LRP2: variants seen among roughly 807,000 people sequenced by gnomAD.
The protein encoded by LRP2 is LDL receptor related protein 2.
In LRP2, 172 loss-of-function variants were observed where a neutral mutation model predicts 531.0. That is an observed-to-expected ratio of 0.32 (90% CI 0.29 to 0.37). The LOEUF (loss-of-function observed/expected upper bound fraction) is 0.37, where lower values mean the gene tolerates loss of function less well. LRP2 is among the 10% of genes least tolerant of loss of function. The pLI is 1.00. For missense variants in LRP2, 5,167 were observed against 5,868.3 expected (o/e 0.88, Z 3.90); for synonymous variants, 1,992 against 2,027.6 (o/e 0.98, Z 0.47).
At chr2:169,248,147 A>ACC (rs770045868) in intron 19 of LRP2, among the ~76,000 whole-genome samples, 77,872 of 151,474 alleles carry the variant, frequency 0.51, 20,410 homozygotes, top group South Asian at 0.73. Flanking sequence ...CTAATGTTAG[A>ACC]ATGATGCTCA....
chr2:169,167,256 G>C (rs1029707773), intron 61 of LRP2, among the ~76,000 whole-genome samples: 22 of 152,124 alleles, frequency 1.4e-4, no homozygotes, highest in African/African-American at 3.9e-4. Context: ...AAAAATGTTG[G>C]GATGCAACTG....
At chr2:169,355,577 G>C (rs574432147) in intron 1 of LRP2, among the ~76,000 whole-genome samples, 6 of 152,276 alleles carry the variant, frequency 3.9e-5, no homozygotes, top group African/African-American at 1.4e-4. Flanking sequence ...CCTAAGTAGA[G>C]ACCCTGAGAT....
intron 3 of LRP2, among the ~76,000 whole-genome samples, chr2:169,316,823 G>A (rs1180841990): frequency 6.6e-6 from 1 of 152,112 alleles, no homozygotes; most frequent in Non-Finnish European, 1.5e-5. Context: ...ATACTCAAGG[G>A]CTGAGTAGAA....
intron 71 of LRP2, among the ~76,000 whole-genome samples, chr2:169,140,960 A>G (rs949340783): frequency 6.6e-6 from 1 of 152,194 alleles, no homozygotes. Flanking sequence ...CCAAAGCATC[A>G]GTAATTGATC....
Position 169,248,643 on chromosome 2 carries a change from C to T in LRP2, c.2771-1128G>A, listed in dbSNP as rs547015058. On this transcript the variant is annotated intron_variant, in intron 19 of 78. Coordinates refer to ENST00000649046, the MANE Select transcript of LRP2 (RefSeq NM_004525.3). ...TGTTGAGGGGAGGAGCCAAGATGGC[C>T]GAATAGGAACAGCTCCGGTCTACAG... Among the ~76,000 whole-genome samples the T allele has an allele frequency of 6.7e-5, 10 of 149,748 alleles. 1 individual carries two copies. Among genetic ancestry groups the T allele is most frequent in the South Asian group, 4.2e-4 (2 of 4,770 alleles).
chr2:169,314,424 T>TAAA (rs112912157), intron 3 of LRP2, among the ~76,000 whole-genome samples: 5 of 143,966 alleles, frequency 3.5e-5, no homozygotes, highest in East Asian at 2.0e-4. Flanking sequence ...CCCCTGTCTC[T>TAAA]AAAAAAAAAA....
At chr2:169,207,475 A>G (rs1202364132) in intron 38 of LRP2, among the ~76,000 whole-genome samples, 1 of 152,242 alleles carries the variant, frequency 6.6e-6, no homozygotes, top group Non-Finnish European at 1.5e-5. Context: ...GCCTATCTTC[A>G]GCTTCTAAAG....
intron 61 of LRP2, among the ~76,000 whole-genome samples, chr2:169,166,268 C>T (rs1686780447): frequency 6.6e-6 from 1 of 152,172 alleles, no homozygotes; most frequent in Non-Finnish European, 1.5e-5. Flanking sequence ...AAGACACAGT[C>T]CTTGTCCTCA....
intron 44 of LRP2, among the ~76,000 whole-genome samples, chr2:169,200,462 T>G (rs73971315): frequency 0.11 from 15,971 of 151,798 alleles, 1,962 homozygotes; most frequent in African/African-American, 0.3. Context: ...TATAAGAAGA[T>G]GGATTGGGGT....
chr2:169,177,469 T>C (rs949513070), intron 53 of LRP2, among the ~76,000 whole-genome samples: 2 of 152,198 alleles, frequency 1.3e-5, no homozygotes. Context: ...TTTAATTCCT[T>C]TAAAATACTT....
chr2:169,351,840 A>C (rs2105576977), intron 1 of LRP2, among the ~76,000 whole-genome samples: 1 of 152,324 alleles, frequency 6.6e-6, no homozygotes, highest in East Asian at 1.9e-4. Context: ...TGCCAAGCAC[A>C]ACAGAGCCAG....
intron 1 of LRP2, among the ~76,000 whole-genome samples, chr2:169,352,818 A>G (rs114732939): frequency 0.074 from 1,597 of 21,484 alleles, 16 homozygotes; most frequent in Non-Finnish European, 0.19. Context: ...ACATGGTCAC[A>G]GGGGGGGGAA....
At chr2:169,188,286 C>A in intron 48 of LRP2, 21 bp from the exon 49 acceptor site, 1 of 1,613,182 alleles carries the variant, frequency 6.2e-7, no homozygotes, top group Non-Finnish European at 8.5e-7. Flanking sequence ...AGATCCAGTA[C>A]CACTTTCAGA....
intron 16 of LRP2, among the ~76,000 whole-genome samples, chr2:169,265,007 C>T (rs1465042626): frequency 1.3e-5 from 2 of 151,992 alleles, no homozygotes; most frequent in Non-Finnish European, 2.9e-5. Flanking sequence ...TTCCTCTGCC[C>T]ACTCCCAGAA....
At chr2:169,191,697 T>C in intron 48 of LRP2, 135 bp downstream of exon 48, 2 of 690,084 alleles carry the variant, frequency 2.9e-6, no homozygotes, top group South Asian at 1.8e-5. Flanking sequence ...TGGAAAGGAA[T>C]CCAAACATTT....
At chr2:169,233,083 T>C (rs1689469161) in intron 30 of LRP2, among the ~76,000 whole-genome samples, 1 of 152,066 alleles carries the variant, frequency 6.6e-6, no homozygotes, top group South Asian at 2.1e-4. Context: ...GTGGTAGCGG[T>C]AAGAGGATCG....
chr2:169,292,832 CAAAAAAAAAAA>C (rs59783436), intron 6 of LRP2, among the ~76,000 whole-genome samples: 2 of 107,060 alleles, frequency 1.9e-5, no homozygotes, highest in East Asian at 2.7e-4. Flanking sequence ...GACCCTGTCT[CAAAAAAAAAAA>C]AAAAAAAAAA....
intron 71 of LRP2, among the ~76,000 whole-genome samples, chr2:169,140,888 C>T (rs138804998): frequency 3.9e-5 from 6 of 152,294 alleles, no homozygotes; most frequent in African/African-American, 9.6e-5. Context: ...AATTCTCCTC[C>T]GTGAACCCAG....
chr2:169,204,595 T>A (rs1236801369), intron 41 of LRP2, among the ~76,000 whole-genome samples: 6 of 152,284 alleles, frequency 3.9e-5, no homozygotes, highest in African/African-American at 4.8e-5. Context: ...AGACTCTCAA[T>A]AAAACAATAA....
Sources: allele counts gnomAD v4.1 joint callset (sites outside exome capture counted in the v4.1 genomes callset), GRCh38; gene constraint gnomAD v4.1.1; transcripts MANE v1.5; gene names NCBI Gene and HGNC (gene_info 2026-07-23, HGNC 2026-07-21).